OPRD1: variants seen among roughly 807,000 people sequenced by gnomAD.
The protein encoded by OPRD1 is delta-type opioid receptor.
Under a neutral mutation model 17.5 loss-of-function variants are expected in OPRD1, and 19 were observed. The ratio of observed to expected loss-of-function variants is 1.09; its 90% CI spans 0.76 to 1.60. The LOEUF is 1.60. Among genes scored for constraint, OPRD1 ranks in the 40% most tolerant of loss-of-function variants. OPRD1 has a pLI of 0.00. For synonymous variants in OPRD1, 256 were observed against 240.9 expected, an observed-to-expected ratio of 1.06 and a Z score of -0.58; for missense variants, 483 against 547.2, an observed-to-expected ratio of 0.88 and a Z score of 1.17.
chr1:28,820,691 G>C (rs2088705733), intron 1 of OPRD1, among the ~76,000 whole-genome samples: 1 of 152,016 alleles, frequency 6.6e-6, no homozygotes, highest in African/African-American at 2.4e-5. Flanking sequence ...GCTGAGCATG[G>C]TGGCATGCAC....
rs765552441 is a variant in OPRD1 at position 28,862,928 on chromosome 1, G to A, written c.764G>A (p.Ser255Asn). 1.2e-6 allele frequency: 2 copies of A among 1,612,792 alleles called. No individual in the cohort carries two copies. Among genetic ancestry groups the A allele is most frequent in the Non-Finnish European group, 1.7e-6 (2 of 1,179,904 alleles). ...TCGGGCTCCAAGGAGAAGGACCGCAGCCTGCGGCGCATCACGCGCATGGTG... is the reference window on the plus strand; with the variant it reads ...TCGGGCTCCAAGGAGAAGGACCGCAACCTGCGGCGCATCACGCGCATGGTG... The part of the protein sequence containing the change: ...LLSGSKEKDR[S>N]LRRITRMVLV... The change falls in exon 3 of 3, where the codon AGC (serine) becomes AAC (asparagine). Residue 255 changes from serine to asparagine, a missense_variant. Ser to Asn is a conservative substitution (Grantham distance 46, BLOSUM62 1). Transcript: ENST00000234961.
Position 28,812,516 on chromosome 1 carries a change from T to A in OPRD1, c.133T>A (p.Ser45Thr), listed in dbSNP as rs779735243. ...SGPPGARSAS[S>T]LALAIAITAL... is the part of the protein sequence containing the mutation. ...GCCGCCAGGCGCGCGGAGCGCCTCGTCCCTCGCCCTGGCAATCGCCATCAC... is the reference window on the plus strand; with the variant it reads ...GCCGCCAGGCGCGCGGAGCGCCTCGACCCTCGCCCTGGCAATCGCCATCAC... The change falls in exon 1 of 3, where the codon TCC becomes ACC. Residue 45 changes from serine to threonine, a missense_variant. Coordinates refer to ENST00000234961, the MANE Select transcript of OPRD1 (RefSeq NM_000911.4). The A allele has an allele frequency of 8.1e-5, 128 of 1,577,324 alleles. 1 individual carries two copies. Among genetic ancestry groups the A allele is most frequent in the Non-Finnish European group, 1.1e-4 (127 of 1,169,704 alleles).
At chr1:28,845,623 A>T (rs781759157) in intron 1 of OPRD1, among the ~76,000 whole-genome samples, 2 of 152,164 alleles carry the variant, frequency 1.3e-5, no homozygotes, top group Non-Finnish European at 2.9e-5. Context: ...AGAAAAACAA[A>T]CAAATAAACA....
intron 1 of OPRD1, among the ~76,000 whole-genome samples, chr1:28,815,173 C>T (rs1278513121): frequency 6.6e-6 from 1 of 152,112 alleles, no homozygotes; most frequent in Non-Finnish European, 1.5e-5. Flanking sequence ...GCTGGAGCGT[C>T]GCAATCACAG....
At chr1:28,853,387 C>G (rs2089024885) in intron 1 of OPRD1, among the ~76,000 whole-genome samples, 1 of 152,162 alleles carries the variant, frequency 6.6e-6, no homozygotes, top group Non-Finnish European at 1.5e-5. Context: ...GGAATGGCCT[C>G]TTGGAATTTA....
At position 28,819,104 on chromosome 1, in the gene OPRD1, C is replaced by T. The variant is rs150901427; in HGVS notation, c.227+6494C>T. ...GTGGCTCAGGGCAATGAAAAGAGAG[C>T]CATGTGACCTTGGATGGGGCCATTA... On this transcript the variant is annotated intron_variant, in intron 1 of 2. Coordinates refer to ENST00000234961, the MANE Select transcript of OPRD1 (RefSeq NM_000911.4). Among the ~76,000 whole-genome samples the T allele has an allele frequency of 3.0e-4, 46 of 151,996 alleles. 1 individual carries two copies. The East Asian group carries it at 8.1e-3, about 27-fold the overall frequency.
In OPRD1 at chr1:28,865,354, A is replaced by G. The variant is rs1450860376; in HGVS notation, c.*2071A>G. 1.3e-5 allele frequency: 2 copies of G among 152,236 alleles called. No homozygotes were observed. Among genetic ancestry groups the G allele is most frequent in the Non-Finnish European group, 2.9e-5 (2 of 68,026 alleles). The allele number at this position is 152,236 out of a possible 1,614,324, so 9.4% of individuals were successfully genotyped here. On this transcript the variant is annotated 3_prime_UTR_variant, in exon 3 of 3. Coordinates refer to ENST00000234961, the MANE Select transcript of OPRD1 (RefSeq NM_000911.4). The stretch of plus-strand genomic sequence containing the variant: ...AATTGACGTCTTTGTCTCAAACAAA[A>G]GAAAAAAGAAAAAGAAACAATATAC...
chr1:28,817,082 C>T (rs1347764323), intron 1 of OPRD1, among the ~76,000 whole-genome samples: 4 of 152,170 alleles, frequency 2.6e-5, no homozygotes, highest in East Asian at 1.9e-4. Context: ...CTGCCAGCCC[C>T]GGCCAGCCTC....
intron 1 of OPRD1, among the ~76,000 whole-genome samples, chr1:28,845,559 C>G (rs1286154708): frequency 6.6e-6 from 1 of 150,508 alleles, no homozygotes. Flanking sequence ...GGTGTCATAT[C>G]CAAGAAATCA....
chr1:28,837,706 T>C (rs1344632560), intron 1 of OPRD1, among the ~76,000 whole-genome samples: 1 of 150,934 alleles, frequency 6.6e-6, no homozygotes, highest in Non-Finnish European at 1.5e-5. Context: ...GGACCCCTCT[T>C]TTATGGAGAG....
intron 1 of OPRD1, among the ~76,000 whole-genome samples, chr1:28,839,789 CACTTCAG>C (rs2088880434): frequency 1.3e-5 from 2 of 152,216 alleles, no homozygotes; most frequent in Non-Finnish European, 2.9e-5. Context: ...AGAGCTGAGT[CACTTCAG>C]ACTTCAGGGC....
chr1:28,831,158 G>A (rs973598550), intron 1 of OPRD1, among the ~76,000 whole-genome samples: 14 of 152,194 alleles, frequency 9.2e-5, no homozygotes, highest in Non-Finnish European at 2.1e-4. Context: ...TGTCCTGCTG[G>A]GAGGGGCAGG....
chr1:28,814,194 A>C (rs1202585842), intron 1 of OPRD1, among the ~76,000 whole-genome samples: 1 of 152,098 alleles, frequency 6.6e-6, no homozygotes, highest in Non-Finnish European at 1.5e-5. Context: ...GCTTCGAGGC[A>C]GGCCGGCCTG....
chr1:28,856,637 G>A (rs999262488), intron 1 of OPRD1, among the ~76,000 whole-genome samples: 1 of 152,190 alleles, frequency 6.6e-6, no homozygotes. Flanking sequence ...GGGAAGGTCT[G>A]GCTCAGTGTA....
intron 1 of OPRD1, among the ~76,000 whole-genome samples, chr1:28,840,837 G>A (rs1035639029): frequency 6.6e-6 from 1 of 152,060 alleles, no homozygotes; most frequent in African/African-American, 2.4e-5. Context: ...CAGGAGAATC[G>A]CTTGAACTGG....
At chr1:28,842,019 G>A (rs901051454) in intron 1 of OPRD1, among the ~76,000 whole-genome samples, 60 of 150,270 alleles carry the variant, frequency 4.0e-4, no homozygotes, top group African/African-American at 1.3e-3. Context: ...TCATTGTGCC[G>A]GCCTTATTTT....
At chr1:28,818,213 C>T (rs987566998) in intron 1 of OPRD1, among the ~76,000 whole-genome samples, 2 of 152,180 alleles carry the variant, frequency 1.3e-5, no homozygotes, top group African/African-American at 2.4e-5. Context: ...GGCCCTTTCC[C>T]ATGTCCTGCA....
intron 1 of OPRD1, among the ~76,000 whole-genome samples, chr1:28,846,852 T>TTC (rs752056327): frequency 1.7e-5 from 1 of 57,332 alleles, no homozygotes; most frequent in Non-Finnish European, 3.8e-5. Flanking sequence ...TTTCTTTTCT[T>TTC]TCTTTCTTTC....
intron 1 of OPRD1, among the ~76,000 whole-genome samples, chr1:28,813,802 T>TAG (rs1248622342): frequency 2.6e-5 from 4 of 152,172 alleles, no homozygotes; most frequent in African/African-American, 9.7e-5. Flanking sequence ...ACTCAGAGGT[T>TAG]AGAGAGATGA....
Sources: gnomAD v4.1 joint callset for allele counts (sites outside exome capture counted in the v4.1 genomes callset) on GRCh38, gnomAD v4.1.1 for gene constraint, MANE v1.5 for transcripts, NCBI Gene and HGNC (gene_info 2026-07-23, HGNC 2026-07-21) for gene names.